The following PFDN2 variants were observed in gnomAD, a reference collection of about 807,000 sequenced individuals.
PFDN2 encodes prefoldin subunit 2.
Under a neutral mutation model 18.3 loss-of-function variants are expected in PFDN2, and 7 were observed. The ratio of observed to expected loss-of-function variants is 0.38; its 90% CI spans 0.22 to 0.72. The LOEUF is 0.72. Ranked by LOEUF, PFDN2 falls within the 30% of genes least tolerant of loss-of-function variation. The pLI is 0.47. For missense variants in PFDN2, 181 were observed against 199.1 expected, an observed-to-expected ratio of 0.91 and a Z score of 0.55; for synonymous variants, 76 against 75.0, an observed-to-expected ratio of 1.01 and a Z score of -0.07.
rs1481217595 is a variant in PFDN2 at position 161,100,839 on chromosome 1, T to A, written c.309A>T (p.Thr103=). The A allele has an allele frequency of 1.9e-6, 3 of 1,613,712 alleles. No homozygotes were observed. The highest frequency in any genetic ancestry group is 1.7e-5 in the Admixed American group (1 of 60,030). The change falls in exon 4 of 4, where the codon ACA becomes ACT. Residue 103 remains threonine, a synonymous_variant. Transcript: ENST00000368010. The part of the protein sequence containing the change: ...NKEQIQKIIE[T]LTQQLQAKGK... ...CCTTTGCCTGAAGCTGCTGTGTCAG[T>A]GTCTCAATGATCTTCTGTATCTAGA... is the stretch of plus-strand genomic sequence containing the variant.
chr1:161,117,858 C>G (rs1655009902), intron 1 of PFDN2, 94 bp downstream of exon 1: 6 of 1,116,740 alleles, frequency 5.4e-6, no homozygotes, highest in South Asian at 1.5e-5. Context: ...ACATGTGGTG[C>G]TGGAGTAAAG....
At chr1:161,109,521 T>C (rs1654753535) in intron 1 of PFDN2, among the ~76,000 whole-genome samples, 1 of 152,240 alleles carries the variant, frequency 6.6e-6, no homozygotes, top group African/African-American at 2.4e-5. Flanking sequence ...ATTTCTTTCA[T>C]AGTCCTACTA....
At chr1:161,102,657 G>A (rs2101699103) in intron 1 of PFDN2, among the ~76,000 whole-genome samples, 1 of 152,210 alleles carries the variant, frequency 6.6e-6, no homozygotes, top group South Asian at 2.1e-4. Flanking sequence ...GTGGGAAATA[G>A]GCATTTAATA....
chr1:161,117,326 A>C lies in PFDN2; in HGVS notation c.75+626T>G, dbSNP rs372894078. Among the ~76,000 whole-genome samples the C allele has an allele frequency of 2.6e-5, 4 of 152,350 alleles. No homozygotes were observed. The South Asian group carries it at 8.3e-4, about 32-fold the overall frequency. On this transcript the variant is annotated intron_variant, in intron 1 of 3. Transcript: ENST00000368010. ...CCCACTCCTATTTTTCCACTTAGCA[A>C]AACACGGTTCCCAAGCCACAAAGGG... is the stretch of plus-strand genomic sequence containing the variant.
At chr1:161,111,351 AT>A (rs1378369546) in intron 1 of PFDN2, among the ~76,000 whole-genome samples, 1 of 152,186 alleles carries the variant, frequency 6.6e-6, no homozygotes, top group Non-Finnish European at 1.5e-5. Context: ...TTGTTTCCTC[AT>A]TTATAAAATG....
intron 1 of PFDN2, among the ~76,000 whole-genome samples, chr1:161,108,917 T>C (rs1322438356): frequency 2.6e-5 from 4 of 152,318 alleles, no homozygotes; most frequent in Non-Finnish European, 4.4e-5. Context: ...TGTGTACTAC[T>C]TATTATACCC....
At chr1:161,101,803 G>A (rs888648040) in intron 3 of PFDN2, among the ~76,000 whole-genome samples, 11 of 152,192 alleles carry the variant, frequency 7.2e-5, no homozygotes, top group Admixed American at 3.9e-4. Flanking sequence ...ACCCAGGCTG[G>A]AGTGCAGTGA....
chr1:161,108,630 T>C (rs1654737187), intron 1 of PFDN2, among the ~76,000 whole-genome samples: 1 of 152,076 alleles, frequency 6.6e-6, no homozygotes, highest in Non-Finnish European at 1.5e-5. Flanking sequence ...GCCACTTTTC[T>C]TGAATTTCTT....
chr1:161,111,555 C>T (rs1395587487), intron 1 of PFDN2, among the ~76,000 whole-genome samples: 1 of 152,142 alleles, frequency 6.6e-6, no homozygotes, highest in Non-Finnish European at 1.5e-5. Context: ...CAGACACTGC[C>T]AGATGTCTCC....
intron 1 of PFDN2, among the ~76,000 whole-genome samples, chr1:161,114,818 T>C (rs1571189749): frequency 6.6e-6 from 1 of 152,280 alleles, no homozygotes; most frequent in East Asian, 1.9e-4. Context: ...GCTTCCCTTA[T>C]CCAGCCCCTA....
chr1:161,108,071 C>T (rs1361304527), intron 1 of PFDN2, among the ~76,000 whole-genome samples: 5 of 145,884 alleles, frequency 3.4e-5, no homozygotes, highest in Non-Finnish European at 6.0e-5. Flanking sequence ...GCTGAGATCA[C>T]ACCACTGCAC....
intron 1 of PFDN2, among the ~76,000 whole-genome samples, chr1:161,107,916 C>G (rs987336074): frequency 1.8e-4 from 27 of 151,274 alleles, no homozygotes; most frequent in African/African-American, 6.6e-4. Context: ...GAGTTCGAGA[C>G]CAGCCTGGCC....
intron 3 of PFDN2, among the ~76,000 whole-genome samples, chr1:161,101,205 A>G (rs903709912): frequency 2.7e-5 from 4 of 150,792 alleles, no homozygotes; most frequent in Non-Finnish European, 4.4e-5. Context: ...TTTATTTTTA[A>G]TATTTTTTTT....
chr1:161,116,331 C>T (rs1273382117), intron 1 of PFDN2, among the ~76,000 whole-genome samples: 1 of 152,146 alleles, frequency 6.6e-6, no homozygotes, highest in African/African-American at 2.4e-5. Flanking sequence ...GCTTGGCCAA[C>T]ATGGTGAAAC....
In PFDN2 at chr1:161,108,981, T is replaced by G. The variant is rs190243538; in HGVS notation, c.76-6606A>C. 1.6e-4 allele frequency among the ~76,000 whole-genome samples: 25 copies of G among 152,296 alleles called. 1 individual carries two copies. The highest frequency in any genetic ancestry group is 1.5e-5 in the Non-Finnish European group (1 of 68,022). Reference sequence around the variant, plus strand: ...GCCCCCTTTAATCTACTCCCCACACTGCAGCATAAGTGACCAAAAATATAA... The same window carrying G: ...GCCCCCTTTAATCTACTCCCCACACGGCAGCATAAGTGACCAAAAATATAA... On this transcript the variant is annotated intron_variant, in intron 1 of 3. Coordinates refer to ENST00000368010, the MANE Select transcript of PFDN2 (RefSeq NM_012394.4).
At chr1:161,106,336 C>T (rs532258366) in intron 1 of PFDN2, among the ~76,000 whole-genome samples, 5 of 152,282 alleles carry the variant, frequency 3.3e-5, no homozygotes, top group East Asian at 3.9e-4. Flanking sequence ...AACACAAGAA[C>T]GGCCTAATAC....
chr1:161,101,141 G>A lies in PFDN2; in HGVS notation c.289-282C>T, dbSNP rs1011583952. ...CTGCCTCAAGCAGTCCTCCTGCCTC[G>A]GTCTCCCAAAGCGCTAGGAATACAG... On this transcript the variant is annotated intron_variant, in intron 3 of 3. Coordinates refer to ENST00000368010, the MANE Select transcript of PFDN2 (RefSeq NM_012394.4). 1.4e-4 allele frequency among the ~76,000 whole-genome samples: 22 copies of A among 151,812 alleles called. 1 individual carries two copies. The highest frequency in any genetic ancestry group is 2.8e-4 in the Non-Finnish European group (19 of 67,952).
chr1:161,115,835 G>T (rs1654903460), intron 1 of PFDN2, among the ~76,000 whole-genome samples: 1 of 152,136 alleles, frequency 6.6e-6, no homozygotes, highest in African/African-American at 2.4e-5. Flanking sequence ...GGCATCTACT[G>T]GGGTCTTGGA....
Position 161,102,347 on chromosome 1 carries a change from T to C in PFDN2, c.104A>G (p.Gln35Arg). 2 of 1,614,162 alleles carry C rather than the reference T, an allele frequency of 1.2e-6. No individual in the cohort carries two copies. Among genetic ancestry groups the C allele is most frequent in the Non-Finnish European group, 1.7e-6 (2 of 1,180,004 alleles). Reference sequence around the variant, plus strand: ...TTTGGATGCCAGGCCTCGCTGTTCCTGCCGAAGGCGGTTGAAGCCAGCAAT... The same window carrying C: ...TTTGGATGCCAGGCCTCGCTGTTCCCGCCGAAGGCGGTTGAAGCCAGCAAT... Reference protein sequence around the residue: ...QVIAGFNRLRQEQRGLASKAA... With the variant: ...QVIAGFNRLRREQRGLASKAA... The change falls in exon 2 of 4, where the codon CAG becomes CGG. Residue 35 changes from glutamine (Q) to arginine (R), a missense_variant. Physicochemically the swap from Gln to Arg is conservative, Grantham distance 43. Transcript: ENST00000368010.
Sources: allele counts gnomAD v4.1 joint callset (sites outside exome capture counted in the v4.1 genomes callset), GRCh38; gene constraint gnomAD v4.1.1; transcripts MANE v1.5; gene names NCBI Gene and HGNC (gene_info 2026-07-23, HGNC 2026-07-21).